The following PTPRD variants were observed in gnomAD, a reference collection of about 807,000 sequenced individuals.
The protein encoded by PTPRD is receptor-type tyrosine-protein phosphatase delta.
PTPRD carries 34 observed loss-of-function variants against 214.5 expected under a neutral mutation model. The ratio of observed to expected loss-of-function variants is 0.16; its 90% confidence interval spans 0.12 to 0.21. The LOEUF (loss-of-function observed/expected upper bound fraction) is 0.21, where lower values mean the gene tolerates loss of function less well. Ranked by LOEUF, PTPRD falls within the 10% of genes least tolerant of loss-of-function variation. PTPRD has a pLI of 1.00. For missense variants in PTPRD, 2,545 were observed against 2,398.7 expected (o/e 1.06, Z -1.27); for synonymous variants, 1,128 against 845.7 (o/e 1.33, Z -5.79).
intron 7 of PTPRD, among the ~76,000 whole-genome samples, chr9:9,605,581 A>C (rs188999576): frequency 1.9e-3 from 291 of 152,238 alleles, no homozygotes; most frequent in African/African-American, 6.7e-3. Flanking sequence ...GTAGGCAATG[A>C]GGAGCCACTG....
chr9:10,546,204 AT>A (rs149798254), intron 2 of PTPRD, among the ~76,000 whole-genome samples: 22,030 of 151,222 alleles, frequency 0.15, 1,773 homozygotes, highest in Non-Finnish European at 0.19. Flanking sequence ...GCATGTATTT[AT>A]TTTTTTTTCT....
chr9:10,070,941 G>C (rs916068465), intron 3 of PTPRD, among the ~76,000 whole-genome samples: 1 of 151,948 alleles, frequency 6.6e-6, no homozygotes, highest in Non-Finnish European at 1.5e-5. Context: ...AGGACAAATG[G>C]TAATTAGGGA....
At chr9:10,392,126 A>T (rs1463995078) in intron 2 of PTPRD, among the ~76,000 whole-genome samples, 2 of 151,822 alleles carry the variant, frequency 1.3e-5, no homozygotes, top group Non-Finnish European at 2.9e-5. Context: ...TTCTTCTGTA[A>T]TGTAAATTCA....
intron 8 of PTPRD, among the ~76,000 whole-genome samples, chr9:9,485,390 G>A (rs1033865043): frequency 6.6e-6 from 1 of 152,092 alleles, no homozygotes; most frequent in African/African-American, 2.4e-5. Flanking sequence ...AAATGCAGCT[G>A]GTTAAATCAT....
chr9:8,924,492 G>A (rs1245565487), intron 11 of PTPRD, among the ~76,000 whole-genome samples: 1 of 152,082 alleles, frequency 6.6e-6, no homozygotes, highest in Non-Finnish European at 1.5e-5. Context: ...GTTTATTTGG[G>A]GAGGCAAATA....
intron 10 of PTPRD, among the ~76,000 whole-genome samples, chr9:9,180,239 C>T (rs571427241): frequency 1.4e-4 from 21 of 151,662 alleles, no homozygotes; most frequent in Admixed American, 8.6e-4. Flanking sequence ...AAATGTGGCA[C>T]GTATACACCA....
chr9:9,358,410 G>T (rs972122326), intron 9 of PTPRD, among the ~76,000 whole-genome samples: 1 of 151,174 alleles, frequency 6.6e-6, no homozygotes, highest in African/African-American at 2.4e-5. Context: ...CAGGTATCTT[G>T]CTATGTATAT....
intron 11 of PTPRD, among the ~76,000 whole-genome samples, chr9:8,996,529 G>A (rs975396928): frequency 7.9e-5 from 12 of 152,092 alleles, no homozygotes; most frequent in Admixed American, 7.2e-4. Flanking sequence ...TACCCCATTT[G>A]GGCTACTATA....
At chr9:9,749,942 T>C (rs570371062) in intron 6 of PTPRD, among the ~76,000 whole-genome samples, 27 of 152,146 alleles carry the variant, frequency 1.8e-4, no homozygotes, top group Non-Finnish European at 3.7e-4. Context: ...TATAAAATAA[T>C]AGAAGATGCT....
chr9:10,073,072 G>T (rs530221609), intron 3 of PTPRD, among the ~76,000 whole-genome samples: 1 of 152,164 alleles, frequency 6.6e-6, no homozygotes, highest in African/African-American at 2.4e-5. Context: ...GTCCAAAATG[G>T]TGACAGGTAA....
chr9:8,414,118 C>T (rs1443486218), intron 35 of PTPRD, among the ~76,000 whole-genome samples: 2 of 152,022 alleles, frequency 1.3e-5, no homozygotes, highest in Non-Finnish European at 2.9e-5. Context: ...TACCCTAGTA[C>T]CTTAGAACTA....
chr9:9,354,464 A>C (rs1193789547), intron 9 of PTPRD, among the ~76,000 whole-genome samples: 1 of 151,806 alleles, frequency 6.6e-6, no homozygotes, highest in Admixed American at 6.6e-5. Flanking sequence ...AGGTCTTGTA[A>C]TATGAAAATA....
chr9:10,067,655 G>C (rs1248927787), intron 3 of PTPRD, among the ~76,000 whole-genome samples: 1 of 151,760 alleles, frequency 6.6e-6, no homozygotes, highest in East Asian at 1.9e-4. Context: ...GGCAAAGAAG[G>C]GTAGGTAATT....
intron 36 of PTPRD, among the ~76,000 whole-genome samples, chr9:8,398,651 A>G (rs1311547774): frequency 6.6e-6 from 1 of 152,176 alleles, no homozygotes; most frequent in Admixed American, 6.6e-5. Flanking sequence ...ATCCTTATAA[A>G]AAAGCTTGAA....
At chr9:8,607,772 T>C (rs980834956) in intron 14 of PTPRD, among the ~76,000 whole-genome samples, 8 of 152,246 alleles carry the variant, frequency 5.3e-5, no homozygotes, top group South Asian at 2.1e-4. Flanking sequence ...TGGAGATTCA[T>C]AGAATAGTCA....
At chr9:9,497,971 C>T (rs536257009) in intron 8 of PTPRD, among the ~76,000 whole-genome samples, 2 of 152,206 alleles carry the variant, frequency 1.3e-5, no homozygotes, top group Admixed American at 6.5e-5. Flanking sequence ...TCAACATTAA[C>T]ATTTTGAATT....
chr9:10,340,080 A>C (rs2154443142), intron 3 of PTPRD, among the ~76,000 whole-genome samples: 1 of 151,906 alleles, frequency 6.6e-6, no homozygotes, highest in African/African-American at 2.4e-5. Context: ...ATCTCATCCA[A>C]AAAAATGCTA....
chr9:9,159,701 A>T (rs1396171514), intron 10 of PTPRD, among the ~76,000 whole-genome samples: 2 of 152,056 alleles, frequency 1.3e-5, no homozygotes, highest in East Asian at 1.9e-4. Context: ...GAGATAAAAA[A>T]CCTCCGAAAT....
chr9:10,426,679 A>C (rs1324070117), intron 2 of PTPRD, among the ~76,000 whole-genome samples: 1 of 152,054 alleles, frequency 6.6e-6, no homozygotes, highest in African/African-American at 2.4e-5. Flanking sequence ...GTAAGGGCCA[A>C]CTTCTCGGAT....
Sources: gnomAD v4.1 joint callset for allele counts (sites outside exome capture counted in the v4.1 genomes callset) on GRCh38, gnomAD v4.1.1 for gene constraint, MANE v1.5 for transcripts, NCBI Gene and HGNC (gene_info 2026-07-23, HGNC 2026-07-21) for gene names.